ZNF253: variants seen among roughly 807,000 people sequenced by gnomAD.
ZNF253 encodes zinc finger protein 253, also known as DNA-binding protein.
Under a neutral mutation model 11.9 loss-of-function variants are expected in ZNF253, and 8 were observed. The ratio of observed to expected loss-of-function variants is 0.67; its 90% confidence interval spans 0.40 to 1.22. ZNF253 has a LOEUF of 1.22. Among genes scored for constraint, ZNF253 ranks in the 50% most tolerant of loss-of-function variants. The pLI, the probability that ZNF253 is intolerant of heterozygous loss-of-function variation, is 0.01. For synonymous variants in ZNF253, 194 were observed against 194.9 expected, an observed-to-expected ratio of 1.00 and a Z score of 0.04; for missense variants, 485 against 586.9, an observed-to-expected ratio of 0.83 and a Z score of 1.79.
In ZNF253 at chr19:19,891,353, T is replaced by G. The variant is rs1293626320; in HGVS notation, c.227-121T>G. 5.1e-6 allele frequency: 4 copies of G among 783,824 alleles called. No individual in the cohort carries two copies. In the Admixed American group the frequency reaches 1.2e-4, roughly 24 times the overall value. The allele number at this position is 783,824 out of a possible 1,614,324, so 48.6% of individuals were successfully genotyped here. ...TATGTGTCCAGGAAGAAATCAGAACTGGTGGTATTTTGCTATGTCATCTTG... is the reference window on the plus strand; with the variant it reads ...TATGTGTCCAGGAAGAAATCAGAACGGGTGGTATTTTGCTATGTCATCTTG... On this transcript the variant is annotated intron_variant, in intron 3 of 3. Transcript: ENST00000589717.
rs1185631124 is a variant in ZNF253, at chr19:19,892,132, C to T, written c.885C>T (p.His295=). The T allele has an allele frequency of 1.2e-5, 19 of 1,605,958 alleles. No individual in the cohort carries two copies. Among genetic ancestry groups the T allele is most frequent in the Non-Finnish European group, 1.6e-5 (19 of 1,177,496 alleles). ...AAGAATGTGGCAAAGCCTTTAAGCA[C>T]CCCTCACACGTTACCACACATAAGA... is the stretch of plus-strand genomic sequence containing the variant. ...KCEECGKAFK[H]PSHVTTHKKI... Residue 295 remains histidine, a synonymous_variant, in exon 4 of 4, where the codon CAC becomes CAT. Transcript: ENST00000589717.
At chr19:19,889,174 A>C (rs2063218797) in intron 3 of ZNF253, among the ~76,000 whole-genome samples, 1 of 151,268 alleles carries the variant, frequency 6.6e-6, no homozygotes. Flanking sequence ...TGTTTACATT[A>C]TTTTTTCTTT....
rs118058319 is a variant in ZNF253 at position 19,879,761 on chromosome 19, A to G, written c.131-290A>G. On this transcript the variant is annotated intron_variant, in intron 2 of 3. Transcript: ENST00000589717. ...CAGCATAAAGTAATCTGAAAACTGT[A>G]TTCACTCTAAATTAGTGGTAACTCC... 3.7e-4 allele frequency among the ~76,000 whole-genome samples: 57 copies of G among 152,366 alleles called. No homozygotes were observed. In the East Asian group the frequency reaches 0.011, roughly 29 times the overall value.
chr19:19,878,516 C>A lies in ZNF253; in HGVS notation c.39C>A (p.Phe13Leu), dbSNP rs1290089432. The change falls in exon 2 of 4, where the codon TTC becomes TTA. Residue 13 changes from phenylalanine to leucine, a missense_variant. By Grantham distance (22) the Phe-to-Leu change is conservative. Around this residue, in one of 3 missense-constraint regions of ZNF253, gnomAD observed 35 missense variants for 52.4 expected, o/e 0.67. Coordinates refer to ENST00000589717, the MANE Select transcript of ZNF253 (RefSeq NM_021047.3). ...PLQFRDVAIE[F>L]SLEEWHCLDT... The stretch of plus-strand genomic sequence containing the variant: ...AATTTAGAGATGTGGCCATAGAATT[C>A]TCTCTGGAGGAGTGGCATTGCCTGG... 2.5e-6 allele frequency: 4 copies of A among 1,613,964 alleles called. No individual in the cohort carries two copies. Among genetic ancestry groups the A allele is most frequent in the Non-Finnish European group, 3.4e-6 (4 of 1,179,966 alleles).
intron 1 of ZNF253, among the ~76,000 whole-genome samples, chr19:19,869,666 T>TC (rs1356473837): frequency 8.6e-6 from 1 of 116,586 alleles, no homozygotes; most frequent in Non-Finnish European, 1.6e-5. Flanking sequence ...TGGCCTTTTT[T>TC]TTTTTTTTTT....
At chr19:19,870,886 T>C (rs887264397) in intron 1 of ZNF253, 1 of 152,186 alleles carries the variant, frequency 6.6e-6, no homozygotes, top group Non-Finnish European at 1.5e-5. Context: ...TGAGAGCAGC[T>C]GTGTACTTTG....
intron 1 of ZNF253, among the ~76,000 whole-genome samples, chr19:19,871,478 A>G (rs1458416191): frequency 6.6e-6 from 1 of 152,232 alleles, no homozygotes; most frequent in Non-Finnish European, 1.5e-5. Flanking sequence ...TAAAATGTAA[A>G]TAGCCAAAAA....
At chr19:19,889,201 T>A (rs2122137789) in intron 3 of ZNF253, among the ~76,000 whole-genome samples, 1 of 151,856 alleles carries the variant, frequency 6.6e-6, no homozygotes, top group African/African-American at 2.4e-5. Flanking sequence ...ATTTTTAAGT[T>A]ATTTTTATAT....
At chr19:19,884,664 A>T (rs1373683524) in intron 3 of ZNF253, among the ~76,000 whole-genome samples, 1 of 152,028 alleles carries the variant, frequency 6.6e-6, no homozygotes, top group East Asian at 1.9e-4. Context: ...GAGCCACTAC[A>T]CTTCGCCTGT....
chr19:19,866,821 G>A (rs899603937), intron 1 of ZNF253, among the ~76,000 whole-genome samples: 17 of 152,040 alleles, frequency 1.1e-4, no homozygotes, highest in African/African-American at 3.6e-4. Context: ...CCCATTGGCC[G>A]GGGTCTGACC....
At chr19:19,867,520 G>T (rs1181178764) in intron 1 of ZNF253, among the ~76,000 whole-genome samples, 1 of 152,010 alleles carries the variant, frequency 6.6e-6, no homozygotes. Flanking sequence ...GTGTTACCAC[G>T]CCTGGCCAAT....
At chr19:19,866,647 C>T in intron 1 of ZNF253, among the ~76,000 whole-genome samples, 1 of 151,950 alleles carries the variant, frequency 6.6e-6, no homozygotes, top group Admixed American at 6.6e-5. Flanking sequence ...TACAGGCATG[C>T]GTCACCACAC....
intron 1 of ZNF253, 75 bp from the exon 2 acceptor site, chr19:19,878,399 TTACTCTC>T: frequency 1.2e-6 from 2 of 1,608,558 alleles, no homozygotes; most frequent in Non-Finnish European, 8.5e-7. Context: ...CCAGTTCTCT[TTACTCTC>T]TAATTTCACC....
chr19:19,868,508 G>A (rs2063120304), intron 1 of ZNF253, among the ~76,000 whole-genome samples: 1 of 152,016 alleles, frequency 6.6e-6, no homozygotes. Context: ...TAGGAGGGTG[G>A]CATTATTTCT....
chr19:19,884,740 A>G (rs767145894), intron 3 of ZNF253, among the ~76,000 whole-genome samples: 15 of 152,282 alleles, frequency 9.9e-5, no homozygotes, highest in Non-Finnish European at 1.6e-4. Flanking sequence ...TAATGGCTGC[A>G]TCATTATTTT....
chr19:19,872,796 G>A (rs899978079), intron 1 of ZNF253, among the ~76,000 whole-genome samples: 2 of 151,656 alleles, frequency 1.3e-5, no homozygotes, highest in Non-Finnish European at 1.5e-5. Context: ...TTATATTCAT[G>A]TTGTGTCAGC....
At position 19,891,650 on chromosome 19, in the gene ZNF253, T is replaced by C; in HGVS notation, c.403T>C (p.Cys135Arg). Reference sequence around the variant, plus strand: ...AGGAGGTTATAATGGACTTAACCAATGTTTGACAACTACCCAGAAAGAAAT... The same window carrying C: ...AGGAGGTTATAATGGACTTAACCAACGTTTGACAACTACCCAGAAAGAAAT... ...HKGGYNGLNQ[C>R]LTTTQKEIFQ... Residue 135 changes from cysteine to arginine, a missense_variant, in exon 4 of 4, where the codon TGT becomes CGT. Cys to Arg is a radical substitution (Grantham distance 180). Around this residue, in one of 3 missense-constraint regions of ZNF253, gnomAD observed 218 missense variants for 213.1 expected, o/e 1.02. Coordinates refer to ENST00000589717, the MANE Select transcript of ZNF253 (RefSeq NM_021047.3). 12 of 1,614,142 alleles carry C rather than the reference T, an allele frequency of 7.4e-6. No individual in the cohort carries two copies. The highest frequency in any genetic ancestry group is 1.0e-5 in the Non-Finnish European group (12 of 1,180,006).
At chr19:19,874,304 T>C (rs930928736) in intron 1 of ZNF253, among the ~76,000 whole-genome samples, 2 of 151,976 alleles carry the variant, frequency 1.3e-5, no homozygotes, top group Non-Finnish European at 2.9e-5. Flanking sequence ...AGCGGGCAGA[T>C]CACAAGGTCA....
intron 1 of ZNF253, among the ~76,000 whole-genome samples, chr19:19,872,600 T>A (rs947936141): frequency 3.2e-4 from 43 of 134,994 alleles, no homozygotes; most frequent in African/African-American, 4.7e-4. Context: ...TATATATATA[T>A]AATCAAGTTT....
Sources: allele counts gnomAD v4.1 joint callset (sites outside exome capture counted in the v4.1 genomes callset), GRCh38; gene constraint gnomAD v4.1.1; regional missense constraint gnomAD v4.1.1; transcripts MANE v1.5; gene names NCBI Gene and HGNC (gene_info 2026-07-23, HGNC 2026-07-21).